RNF216: variants seen among roughly 807,000 people sequenced by gnomAD.
RNF216 encodes the protein E3 ubiquitin-protein ligase RNF216.
In RNF216, 72 loss-of-function variants were observed where a neutral mutation model predicts 110.8. The observed-to-expected ratio is 0.65, with a 90% CI of 0.54 to 0.79. RNF216 has a LOEUF of 0.79. RNF216 is among the 30% of genes least tolerant of loss of function. The pLI, the probability that RNF216 is intolerant of heterozygous loss-of-function variation, is 0.00. For missense variants in RNF216, 1,342 were observed against 1,141.2 expected, an observed-to-expected ratio of 1.18 and a Z score of -2.54; for synonymous variants, 495 against 407.5, an observed-to-expected ratio of 1.21 and a Z score of -2.59.
Position 5,721,162 on chromosome 7 carries a change from T to G in RNF216, c.1515A>C (p.Lys505Asn). 8 of 1,614,034 alleles carry G rather than the reference T, an allele frequency of 5.0e-6. No individual in the cohort carries two copies. Among genetic ancestry groups the G allele is most frequent in the Non-Finnish European group, 6.8e-6 (8 of 1,179,976 alleles). The change falls in exon 9 of 17, where the codon AAA becomes AAC. Residue 505 changes from lysine (K) to asparagine (N), a missense_variant. Coordinates refer to ENST00000389902, the MANE Select transcript of RNF216 (RefSeq NM_207111.4). ...CAAGAAAGAACATCCTCTTTTCTAT[T>G]TTTATGTCACCTAGAAGATATACGA... ...IDFKFEQGDI[K>N]IEKRMFFLEN...
chr7:5,752,974 T>G lies in RNF216; in HGVS notation c.73A>C (p.Ile25Leu). The G allele has an allele frequency of 6.2e-7, 1 of 1,610,684 alleles. No homozygotes were observed. Among genetic ancestry groups the G allele is most frequent in the African/African-American group, 1.3e-5 (1 of 74,938 alleles). Residue 25 changes from isoleucine to leucine, a missense_variant, in exon 3 of 17, where the codon ATC becomes CTC. By Grantham distance (5) the Ile-to-Leu change is conservative. Transcript: ENST00000389902. Reference sequence around the variant, plus strand: ...GTGATGGGCCCATCTCGGAGATTGATCCACTCTACAGGAAAGCAGAGAACA... The same window carrying G: ...GTGATGGGCCCATCTCGGAGATTGAGCCACTCTACAGGAAAGCAGAGAACA... ...NFHCHRGQEW[I>L]NLRDGPITIS...
At chr7:5,623,870 C>T (rs762628971) in intron 16 of RNF216, among the ~76,000 whole-genome samples, 186 bp downstream of exon 16, 2 of 152,156 alleles carry the variant, frequency 1.3e-5, no homozygotes, top group Non-Finnish European at 2.9e-5. Flanking sequence ...ATATTCAAGG[C>T]GTTGAAGGCC....
At chr7:5,754,243 C>A (rs1562463962) in intron 2 of RNF216, among the ~76,000 whole-genome samples, 1 of 151,510 alleles carries the variant, frequency 6.6e-6, no homozygotes, top group Non-Finnish European at 1.5e-5. Flanking sequence ...GCAGCTTCAA[C>A]CTCCTAGGCT....
At chr7:5,745,782 C>G (rs1795000011) in intron 3 of RNF216, among the ~76,000 whole-genome samples, 1 of 151,762 alleles carries the variant, frequency 6.6e-6, no homozygotes, top group African/African-American at 2.4e-5. Flanking sequence ...CACCTGTAAT[C>G]CCAGCTACTC....
chr7:5,729,208 T>C (rs1584525314), intron 7 of RNF216, among the ~76,000 whole-genome samples: 1 of 152,230 alleles, frequency 6.6e-6, no homozygotes, highest in Non-Finnish European at 1.5e-5. Flanking sequence ...TTACACTCCA[T>C]GTTTTTACGG....
intron 3 of RNF216, among the ~76,000 whole-genome samples, chr7:5,751,133 T>C (rs942731086): frequency 6.6e-6 from 1 of 152,166 alleles, no homozygotes; most frequent in African/African-American, 2.4e-5. Flanking sequence ...AAGTTTTAAA[T>C]GTTTCCATAC....
intron 8 of RNF216, 125 bp downstream of exon 8, chr7:5,725,199 C>T: frequency 3.7e-6 from 2 of 543,996 alleles, no homozygotes; most frequent in Non-Finnish European, 6.6e-6. Context: ...TCCTGTCAGT[C>T]ACTCCTTGGA....
chr7:5,705,269 C>T (rs562883196), intron 13 of RNF216, among the ~76,000 whole-genome samples: 11 of 152,294 alleles, frequency 7.2e-5, no homozygotes, highest in Admixed American at 5.9e-4. Context: ...CTCAACATGT[C>T]CAAAACAAAA....
At chr7:5,655,303 G>A (rs530219012) in intron 13 of RNF216, among the ~76,000 whole-genome samples, 8 of 152,304 alleles carry the variant, frequency 5.3e-5, no homozygotes, top group Admixed American at 3.9e-4. Context: ...TGAAGGGCCC[G>A]AGGGTCCCGG....
intron 3 of RNF216, among the ~76,000 whole-genome samples, chr7:5,751,272 G>C (rs1401931129): frequency 6.6e-6 from 1 of 152,194 alleles, no homozygotes; most frequent in East Asian, 1.9e-4. Flanking sequence ...GATGGTAACT[G>C]AGAGTGGCAC....
chr7:5,731,517 C>G (rs1221741491), intron 5 of RNF216, among the ~76,000 whole-genome samples: 2 of 151,434 alleles, frequency 1.3e-5, no homozygotes, highest in Non-Finnish European at 1.5e-5. Context: ...GATGTATCAC[C>G]ACCCAGACCC....
chr7:5,673,332 G>C (rs1320467038), intron 13 of RNF216, among the ~76,000 whole-genome samples: 1 of 152,238 alleles, frequency 6.6e-6, no homozygotes, highest in Non-Finnish European at 1.5e-5. Context: ...TTCAAGAACA[G>C]GCTCGACAGA....
intron 5 of RNF216, among the ~76,000 whole-genome samples, chr7:5,737,913 C>CTCAGGCAAT (rs1794520702): frequency 6.6e-6 from 1 of 151,906 alleles, no homozygotes; most frequent in South Asian, 2.1e-4. Context: ...CATGATGAAA[C>CTCAGGCAAT]CCTGTCTCTA....
At chr7:5,750,866 C>T (rs1156415133) in intron 3 of RNF216, among the ~76,000 whole-genome samples, 1 of 152,216 alleles carries the variant, frequency 6.6e-6, no homozygotes, top group Non-Finnish European at 1.5e-5. Context: ...TAATTTAACC[C>T]AGTCATGGGA....
Position 5,729,564 on chromosome 7 carries a change from T to C in RNF216, c.1257A>G (p.Lys419=). The C allele has an allele frequency of 6.2e-6, 10 of 1,614,140 alleles. No individual in the cohort carries two copies. Among genetic ancestry groups the C allele is most frequent in the Non-Finnish European group, 7.6e-6 (9 of 1,180,006 alleles). The change falls in exon 7 of 17, where the codon AAA becomes AAG. Residue 419 remains lysine (K), a synonymous_variant. Transcript: ENST00000389902. ...AGCAGCGCTGGTCAAGAGGGGTCAATTTAGAATAGTCAAAAAAGTCTATTT... is the reference window on the plus strand; with the variant it reads ...AGCAGCGCTGGTCAAGAGGGGTCAACTTAGAATAGTCAAAAAAGTCTATTT... ...LPKIDFFDYS[K]LTPLDQRCFI...
intron 13 of RNF216, among the ~76,000 whole-genome samples, chr7:5,666,280 G>GT (rs1480567145): frequency 6.6e-6 from 1 of 152,114 alleles, no homozygotes; most frequent in Non-Finnish European, 1.5e-5. Flanking sequence ...AGACATGATT[G>GT]TAAGTGCTGA....
intron 1 of RNF216, among the ~76,000 whole-genome samples, chr7:5,770,347 G>A (rs1026785045): frequency 6.6e-6 from 1 of 151,838 alleles, no homozygotes; most frequent in Non-Finnish European, 1.5e-5. Context: ...TGTAATCCCA[G>A]CTACTCAGGA....
chr7:5,661,727 T>A (rs945486027), intron 13 of RNF216, among the ~76,000 whole-genome samples: 1 of 152,002 alleles, frequency 6.6e-6, no homozygotes, highest in Non-Finnish European at 1.5e-5. Context: ...CGTTCGAACC[T>A]GGGAGGCAGA....
intron 14 of RNF216, among the ~76,000 whole-genome samples, chr7:5,644,206 G>A (rs1032046220): frequency 3.3e-5 from 5 of 152,082 alleles, no homozygotes; most frequent in African/African-American, 7.2e-5. Context: ...ACCTGAGAGC[G>A]GAACTGCTGG....
Sources: allele counts gnomAD v4.1 joint callset (sites outside exome capture counted in the v4.1 genomes callset), GRCh38; gene constraint gnomAD v4.1.1; transcripts MANE v1.5; gene names NCBI Gene and HGNC (gene_info 2026-07-23, HGNC 2026-07-21).